MOSPD1: variants seen among roughly 807,000 people sequenced by gnomAD.
MOSPD1 encodes the protein motile sperm domain-containing protein 1.
A neutral mutation model predicts 16.7 loss-of-function variants in MOSPD1; 5 were observed. That is an observed-to-expected ratio of 0.30 (90% CI 0.16 to 0.63). The LOEUF (loss-of-function observed/expected upper bound fraction) is 0.63, where lower values mean the gene tolerates loss of function less well. MOSPD1 is among the 30% of genes least tolerant of loss of function. The pLI is 0.82. For missense variants in MOSPD1, 104 were observed against 153.6 expected, an observed-to-expected ratio of 0.68 and a Z score of 1.71; for synonymous variants, 67 against 59.2, an observed-to-expected ratio of 1.13 and a Z score of -0.61.
At chrX:134,906,576 T>C (rs762780084) in intron 1 of MOSPD1, among the ~76,000 whole-genome samples, 5 of 111,141 alleles carry the variant, frequency 4.5e-5, no homozygotes. Flanking sequence ...TATTAGCAAC[T>C]GTGCCAATGA....
chrX:134,906,347 T>C (rs1398482145), intron 1 of MOSPD1, among the ~76,000 whole-genome samples: 1 of 102,386 alleles, frequency 9.8e-6, no homozygotes, highest in Non-Finnish European at 2.0e-5. Flanking sequence ...CCTGGCTAAT[T>C]TTTTTTTTTT....
At chrX:134,894,874 T>C (rs747249287) in intron 4 of MOSPD1, among the ~76,000 whole-genome samples, 1 of 112,090 alleles carries the variant, frequency 8.9e-6, no homozygotes, top group African/African-American at 3.2e-5. Context: ...GTGCTGAGGA[T>C]ATAAAATTAC....
At chrX:134,910,359 C>T (rs1226394492) in intron 1 of MOSPD1, among the ~76,000 whole-genome samples, 2 of 109,978 alleles carry the variant, frequency 1.8e-5, no homozygotes, top group African/African-American at 6.6e-5. Flanking sequence ...GAGCCAAGAT[C>T]ACACCACTGC....
At chrX:134,901,327 A>G (rs1416428910) in intron 1 of MOSPD1, among the ~76,000 whole-genome samples, 1 of 111,745 alleles carries the variant, frequency 8.9e-6, no homozygotes, top group Non-Finnish European at 1.9e-5. Context: ...GAATCAGAAG[A>G]CTACATGAAT....
At chrX:134,912,994 T>G (rs1327472431) in intron 1 of MOSPD1, among the ~76,000 whole-genome samples, 1 of 110,187 alleles carries the variant, frequency 9.1e-6, no homozygotes, top group Non-Finnish European at 1.9e-5. Flanking sequence ...ATCCCAGCAC[T>G]TTGGGAGGCC....
chrX:134,900,228 A>AT (rs1280008345), intron 1 of MOSPD1, among the ~76,000 whole-genome samples: 3 of 112,158 alleles, frequency 2.7e-5, no homozygotes, highest in Non-Finnish European at 5.6e-5. Context: ...GTCACAACTG[A>AT]TTTTGCATGA....
intron 3 of MOSPD1, among the ~76,000 whole-genome samples, chrX:134,898,348 C>T (rs932565184): frequency 8.9e-6 from 1 of 112,037 alleles, no homozygotes; most frequent in Non-Finnish European, 1.9e-5. Flanking sequence ...TAAAAATGTG[C>T]AAAAACGTTC....
In MOSPD1 at chrX:134,896,913, G is replaced by A. The variant is rs900436692; in HGVS notation, c.352C>T (p.Leu118Phe). 29 of 1,206,622 alleles carry A rather than the reference G, an allele frequency of 2.4e-5. No homozygotes were observed. Among genetic ancestry groups the A allele is most frequent in the Non-Finnish European group, 3.0e-5 (27 of 892,386 alleles). The stretch of plus-strand genomic sequence containing the variant: ...TTTTGTTGTTCTTTTGCTGATGGGA[G>A]AAGAGTAGCAACAACCTCTTTTCTT... ...LGRKEVVATL[L>F]PSAKEQQKEE... Residue 118 changes from leucine to phenylalanine, a missense_variant, in exon 4 of 6, where the codon CTC becomes TTC. Leu to Phe is a conservative substitution (Grantham distance 22, BLOSUM62 0). Coordinates refer to ENST00000370783, the MANE Select transcript of MOSPD1 (RefSeq NM_019556.3).
intron 1 of MOSPD1, among the ~76,000 whole-genome samples, chrX:134,902,053 G>A (rs2148396104): frequency 9.0e-6 from 1 of 111,691 alleles, no homozygotes; most frequent in African/African-American, 3.3e-5. Flanking sequence ...AATGTTCTAA[G>A]TGTTTGTTGT....
At chrX:134,907,896 G>A (rs2082951222) in intron 1 of MOSPD1, among the ~76,000 whole-genome samples, 1 of 112,307 alleles carries the variant, frequency 8.9e-6, no homozygotes, top group Admixed American at 9.4e-5. Context: ...AGCCTCCCAA[G>A]TAGCTGGGAC....
intron 1 of MOSPD1, among the ~76,000 whole-genome samples, chrX:134,906,764 G>A (rs764464752): frequency 3.6e-5 from 4 of 111,757 alleles, no homozygotes; most frequent in Non-Finnish European, 5.6e-5. Flanking sequence ...CAAAAGTCAA[G>A]TGCACACCAA....
chrX:134,900,786 T>A (rs768955422), intron 1 of MOSPD1, among the ~76,000 whole-genome samples: 1 of 110,625 alleles, frequency 9.0e-6, no homozygotes, highest in African/African-American at 3.3e-5. Context: ...CTGGTTGGAT[T>A]TGAACTCCTG....
Position 134,899,207 on chromosome X carries a change from T to G in MOSPD1, c.155-42A>C, listed in dbSNP as rs200722163. 1.6e-4 allele frequency: 185 copies of G among 1,171,953 alleles called. No individual in the cohort carries two copies. In the East Asian group the frequency reaches 4.2e-3, roughly 27 times the overall value. On this transcript the variant is annotated intron_variant, in intron 2 of 5. Coordinates refer to ENST00000370783, the MANE Select transcript of MOSPD1 (RefSeq NM_019556.3). ...CAATGGCCATTAGTGTTTTTTTTTT[T>G]TAATTAGTTTCTACAAGTAAAAAAT...
chrX:134,906,456 T>A (rs6529650), intron 1 of MOSPD1, among the ~76,000 whole-genome samples: 11,784 of 108,961 alleles, frequency 0.11, 610 homozygotes, highest in East Asian at 0.26. Flanking sequence ...AGTGGTGGGA[T>A]TACAGGCATG....
At chrX:134,906,438 C>T (rs748596522) in intron 1 of MOSPD1, among the ~76,000 whole-genome samples, 6 of 109,053 alleles carry the variant, frequency 5.5e-5, no homozygotes, top group African/African-American at 2.0e-4. Flanking sequence ...CCCACCTTGG[C>T]CTCCCAAAGT....
In MOSPD1 at chrX:134,891,497, C is replaced by T. The variant is rs752049227; in HGVS notation, c.592G>A (p.Val198Met). 2.5e-6 allele frequency: 3 copies of T among 1,208,832 alleles called. No homozygotes were observed. The highest frequency in any genetic ancestry group is 1.8e-5 in the African/African-American group (1 of 56,872). ...YLHLSVNQKLVAAYILGLITM... is the reference protein window; with the variant it reads ...YLHLSVNQKLMAAYILGLITM... ...CCCTTACCTAAGATATAAGCAGCCA[C>T]TAATTTTTGATTCACACTTAAGTGG... The change falls in exon 5 of 6, where the codon GTG (valine) becomes ATG (methionine). Residue 198 changes from valine (V) to methionine (M), a missense_variant. Transcript: ENST00000370783.
Position 134,889,075 on chromosome X carries a change from G to T in MOSPD1, c.*86C>A. The T allele has an allele frequency of 1.6e-6, 1 of 625,787 alleles. No individual in the cohort carries two copies. Among genetic ancestry groups the T allele is most frequent in the South Asian group, 3.6e-5 (1 of 27,551 alleles). The allele number at this position is 625,787 out of a possible 1,213,427, so 51.6% of individuals were successfully genotyped here. A position where few individuals can be genotyped will look rare whatever the true frequency, so the allele number is the denominator to read the frequency against. ...GAAATCATTCAATAGTTTGTTGCAT[G>T]TTAATGGAGTGAAATAGAGATAAAA... On this transcript the variant is annotated 3_prime_UTR_variant, in exon 6 of 6. Transcript: ENST00000370783.
rs939579785 is a variant in MOSPD1 at position 134,888,290 on chromosome X, A to C, written c.*871T>G. 8.9e-6 allele frequency: 1 copy of C among 112,398 alleles called. No homozygotes were observed. The highest frequency in any genetic ancestry group is 3.2e-5 in the African/African-American group (1 of 30,904). The allele number at this position is 112,398 out of a possible 1,213,427, so 9.3% of individuals were successfully genotyped here. On this transcript the variant is annotated 3_prime_UTR_variant, in exon 6 of 6. Coordinates refer to ENST00000370783, the MANE Select transcript of MOSPD1 (RefSeq NM_019556.3). ...GTTTCTTACACTTGGCTTAGAGTTT[A>C]AAGGTGAAAAATCATCTCCACATAA...
chrX:134,896,351 GA>G (rs974387261), intron 4 of MOSPD1, among the ~76,000 whole-genome samples: 2 of 106,765 alleles, frequency 1.9e-5, no homozygotes, highest in East Asian at 4.1e-4. Flanking sequence ...ACTTTAATGA[GA>G]TTTTTTTTTT....
Sources: gnomAD v4.1 joint callset for allele counts (sites outside exome capture counted in the v4.1 genomes callset) on GRCh38, gnomAD v4.1.1 for gene constraint, MANE v1.5 for transcripts, NCBI Gene and HGNC (gene_info 2026-07-23, HGNC 2026-07-21) for gene names.